Variants in SLX4IP observed in about 807,000 individuals in gnomAD.
The protein encoded by SLX4IP is protein SLX4IP.
SLX4IP carries 34 observed loss-of-function variants against 32.9 expected under a neutral mutation model. The ratio of observed to expected loss-of-function variants is 1.03; its 90% confidence interval spans 0.79 to 1.38. The LOEUF (loss-of-function observed/expected upper bound fraction) is 1.38, where lower values mean the gene tolerates loss of function less well. SLX4IP is among the 40% of genes most tolerant of loss of function. The pLI, the probability that SLX4IP is intolerant of heterozygous loss-of-function variation, is 0.00. For missense variants in SLX4IP, 444 were observed against 479.0 expected (o/e 0.93, Z 0.68); for synonymous variants, 172 against 171.7 (o/e 1.00, Z -0.01).
chr20:10,540,149 TTCCTTCCTTCTC>T (rs2122477261), intron 2 of SLX4IP, among the ~76,000 whole-genome samples: 1 of 149,798 alleles, frequency 6.7e-6, no homozygotes, highest in African/African-American at 2.5e-5. Flanking sequence ...CCTTCTTTCC[TTCCTTCCTTCTC>T]TCCTTCCTTC....
At chr20:10,564,950 T>C (rs1452499768) in intron 4 of SLX4IP, among the ~76,000 whole-genome samples, 1 of 152,258 alleles carries the variant, frequency 6.6e-6, no homozygotes, top group Non-Finnish European at 1.5e-5. Context: ...ATTGTGCTTT[T>C]TGATTTTTAT....
In SLX4IP at chr20:10,456,738, C is replaced by T. The variant is rs374523367; in HGVS notation, c.-29-1438C>T. Among the ~76,000 whole-genome samples the T allele has an allele frequency of 3.9e-5, 6 of 152,124 alleles. 1 individual carries two copies. The South Asian group carries it at 8.3e-4, about 21-fold the overall frequency. On this transcript the variant is annotated intron_variant, in intron 1 of 7. Coordinates refer to ENST00000334534, the MANE Select transcript of SLX4IP (RefSeq NM_001009608.3). The stretch of plus-strand genomic sequence containing the variant: ...TCCAGATCTCTTGCATTTTCATATA[C>T]GTTTTAGGATAAACTTGTTAATTTC...
intron 5 of SLX4IP, among the ~76,000 whole-genome samples, chr20:10,600,903 C>A (rs1234409581): frequency 1.3e-5 from 2 of 152,178 alleles, no homozygotes; most frequent in Admixed American, 6.5e-5. Flanking sequence ...CTGGAACATA[C>A]CCTGTTGGCA....
At chr20:10,468,450 C>G (rs1427201504) in intron 2 of SLX4IP, among the ~76,000 whole-genome samples, 1 of 152,206 alleles carries the variant, frequency 6.6e-6, no homozygotes, top group African/African-American at 2.4e-5. Flanking sequence ...AATCTGAACT[C>G]TCCAGCTAGA....
chr20:10,565,012 A>G (rs998760896), intron 4 of SLX4IP, among the ~76,000 whole-genome samples: 1 of 152,068 alleles, frequency 6.6e-6, no homozygotes, highest in Non-Finnish European at 1.5e-5. Context: ...TTTATAGTTT[A>G]GGTTTGTGGT....
chr20:10,581,431 A>G (rs2066584942), intron 4 of SLX4IP, among the ~76,000 whole-genome samples: 2 of 152,288 alleles, frequency 1.3e-5, no homozygotes, highest in African/African-American at 4.8e-5. Flanking sequence ...TCCAGGAAGA[A>G]AAGAGAGAGA....
intron 4 of SLX4IP, among the ~76,000 whole-genome samples, chr20:10,567,808 A>G (rs2066414014): frequency 6.6e-6 from 1 of 152,212 alleles, no homozygotes; most frequent in African/African-American, 2.4e-5. Context: ...CCCAAAATAT[A>G]CCACTCAACA....
At chr20:10,497,916 C>T (rs193055958) in intron 2 of SLX4IP, among the ~76,000 whole-genome samples, 22 of 151,900 alleles carry the variant, frequency 1.4e-4, no homozygotes, top group African/African-American at 5.1e-4. Context: ...TAAAAAATGG[C>T]CTCTTCTCAC....
intron 2 of SLX4IP, among the ~76,000 whole-genome samples, chr20:10,462,446 A>G (rs2065345787): frequency 6.6e-6 from 1 of 152,224 alleles, no homozygotes; most frequent in African/African-American, 2.4e-5. Context: ...CAGATTACAG[A>G]CAGAGAATCA....
intron 2 of SLX4IP, among the ~76,000 whole-genome samples, chr20:10,504,054 A>C (rs1234735352): frequency 6.6e-6 from 1 of 152,206 alleles, no homozygotes; most frequent in African/African-American, 2.4e-5. Context: ...CCCACAATTA[A>C]ACCCACAATG....
At chr20:10,489,438 T>G (rs548497726) in intron 2 of SLX4IP, among the ~76,000 whole-genome samples, 1 of 152,334 alleles carries the variant, frequency 6.6e-6, no homozygotes, top group South Asian at 2.1e-4. Flanking sequence ...TGCTTTTCCT[T>G]TAGTTCCTAA....
intron 2 of SLX4IP, among the ~76,000 whole-genome samples, chr20:10,520,087 C>T (rs1331467297): frequency 6.6e-6 from 1 of 151,742 alleles, no homozygotes; most frequent in Admixed American, 6.6e-5. Context: ...AGAGTCTCAC[C>T]GTTGGCCAGG....
At chr20:10,601,710 G>A in intron 5 of SLX4IP, 21 bp from the exon 6 acceptor site, 4 of 1,608,706 alleles carry the variant, frequency 2.5e-6, no homozygotes, top group South Asian at 1.1e-5. Context: ...CTTTAAACTT[G>A]TTTTTCTTCA....
At chr20:10,605,240 G>A (rs1021483725) in intron 6 of SLX4IP, among the ~76,000 whole-genome samples, 2 of 152,154 alleles carry the variant, frequency 1.3e-5, no homozygotes, top group African/African-American at 4.8e-5. Context: ...ACTCCTTCTA[G>A]TCTCTGGAGA....
At chr20:10,547,793 T>C (rs550689987) in intron 2 of SLX4IP, among the ~76,000 whole-genome samples, 8 of 152,286 alleles carry the variant, frequency 5.3e-5, no homozygotes, top group South Asian at 2.1e-4. Flanking sequence ...ATCACTGATA[T>C]ATGTTTTCAC....
At chr20:10,540,754 A>G (rs1487605207) in intron 2 of SLX4IP, among the ~76,000 whole-genome samples, 2 of 152,226 alleles carry the variant, frequency 1.3e-5, no homozygotes, top group Non-Finnish European at 2.9e-5. Flanking sequence ...CCTGTGACCA[A>G]TTAACGACCT....
chr20:10,518,502 C>CTT lies in SLX4IP; in HGVS notation c.28-37728_28-37727dup, dbSNP rs369907091. Among the ~76,000 whole-genome samples, 107 of 58,410 alleles carry CTT rather than the reference C, an allele frequency of 1.8e-3. 2 individuals carry two copies. Among genetic ancestry groups the CTT allele is most frequent in the Non-Finnish European group, 2.1e-3 (58 of 27,644 alleles). The allele number at this position is 58,410 out of a possible 152,430, so 38.3% of individuals were successfully genotyped here. On this transcript the variant is annotated intron_variant, in intron 2 of 7. Coordinates refer to ENST00000334534, the MANE Select transcript of SLX4IP (RefSeq NM_001009608.3). The stretch of plus-strand genomic sequence containing the variant: ...CCTTTCCTTTCCTTTTCCTTCCTTC[C>CTT]TTCCTTCCTTCCTTCCTTCCTTCCT...
At chr20:10,501,670 A>C (rs2065720123) in intron 2 of SLX4IP, among the ~76,000 whole-genome samples, 1 of 152,260 alleles carries the variant, frequency 6.6e-6, no homozygotes, top group Non-Finnish European at 1.5e-5. Context: ...CCACAAAGAG[A>C]TGGCAGTCAT....
chr20:10,463,338 C>A (rs2065353790), intron 2 of SLX4IP, among the ~76,000 whole-genome samples: 1 of 152,124 alleles, frequency 6.6e-6, no homozygotes, highest in South Asian at 2.1e-4. Context: ...CAATTGTGTT[C>A]CTCTTTGGGT....
Sources: allele counts gnomAD v4.1 joint callset (sites outside exome capture counted in the v4.1 genomes callset), GRCh38; gene constraint gnomAD v4.1.1; transcripts MANE v1.5; gene names NCBI Gene and HGNC (gene_info 2026-07-23, HGNC 2026-07-21).